UBE2G1: variants seen among roughly 807,000 people sequenced by gnomAD.
The protein encoded by UBE2G1 is ubiquitin-conjugating enzyme E2 G1.
A neutral mutation model predicts 22.7 loss-of-function variants in UBE2G1; 5 were observed. The ratio of observed to expected loss-of-function variants is 0.22; its 90% confidence interval spans 0.12 to 0.46. The LOEUF is 0.46. Ranked by LOEUF, UBE2G1 falls within the 20% of genes least tolerant of loss-of-function variation. The probability of loss-of-function intolerance (pLI) is 0.99; values close to 1 mark genes in which losing one functional copy is unlikely to be tolerated. For missense variants in UBE2G1, 88 were observed against 203.9 expected, an observed-to-expected ratio of 0.43 and a Z score of 3.46; for synonymous variants, 74 against 67.5, an observed-to-expected ratio of 1.10 and a Z score of -0.47.
chr17:4,279,771 C>A (rs1968861536), intron 5 of UBE2G1, among the ~76,000 whole-genome samples: 1 of 97,830 alleles, frequency 1.0e-5, no homozygotes, highest in Non-Finnish European at 2.2e-5. Context: ...CGAAACTCTG[C>A]CCCCAAAAAA....
chr17:4,331,321 T>C (rs2143778194), intron 1 of UBE2G1, among the ~76,000 whole-genome samples: 1 of 152,312 alleles, frequency 6.6e-6, no homozygotes, highest in Non-Finnish European at 1.5e-5. Context: ...GCACTAATTA[T>C]AATTTAAGTG....
intron 5 of UBE2G1, among the ~76,000 whole-genome samples, chr17:4,281,514 T>A (rs927096626): frequency 8.5e-5 from 13 of 152,172 alleles, no homozygotes; most frequent in Non-Finnish European, 1.3e-4. Flanking sequence ...TTTCAGACAG[T>A]GTATTTCGGT....
At chr17:4,300,736 G>T (rs995081971) in intron 2 of UBE2G1, among the ~76,000 whole-genome samples, 1 of 151,534 alleles carries the variant, frequency 6.6e-6, no homozygotes, top group African/African-American at 2.4e-5. Flanking sequence ...AGGCTGAGGC[G>T]GGTAGATCAT....
intron 1 of UBE2G1, among the ~76,000 whole-genome samples, chr17:4,351,445 G>A (rs994738908): frequency 7.2e-5 from 11 of 152,176 alleles, no homozygotes; most frequent in African/African-American, 2.7e-4. Context: ...ACTGGATAAC[G>A]AGAATTTTGT....
chr17:4,308,148 G>A (rs1969268539), intron 1 of UBE2G1, among the ~76,000 whole-genome samples: 1 of 152,158 alleles, frequency 6.6e-6, no homozygotes, highest in African/African-American at 2.4e-5. Context: ...GAGGTCGAGA[G>A]TTTGAGACCA....
At chr17:4,272,677 G>A (rs1598175568) in intron 5 of UBE2G1, among the ~76,000 whole-genome samples, 161 bp from the exon 6 acceptor site, 1 of 152,074 alleles carries the variant, frequency 6.6e-6, no homozygotes, top group South Asian at 2.1e-4. Flanking sequence ...AGCCACGTGG[G>A]TATATTTAAT....
At chr17:4,300,341 G>A (rs928519070) in intron 2 of UBE2G1, among the ~76,000 whole-genome samples, 12 of 150,728 alleles carry the variant, frequency 8.0e-5, no homozygotes, top group Non-Finnish European at 1.8e-4. Flanking sequence ...TCAGGAGTTC[G>A]AAAACAACCT....
At chr17:4,278,539 G>A (rs1169620444) in intron 5 of UBE2G1, among the ~76,000 whole-genome samples, 1 of 152,122 alleles carries the variant, frequency 6.6e-6, no homozygotes, top group Non-Finnish European at 1.5e-5. Flanking sequence ...GCAGGCTGCA[G>A]GCTGGACAAG....
intron 1 of UBE2G1, among the ~76,000 whole-genome samples, chr17:4,321,006 T>C (rs1163304826): frequency 6.6e-6 from 1 of 152,156 alleles, no homozygotes; most frequent in South Asian, 2.1e-4. Flanking sequence ...ATGCTGCCAT[T>C]GCCAGGCGGT....
chr17:4,294,855 A>T (rs1273244877), intron 3 of UBE2G1, among the ~76,000 whole-genome samples: 3 of 152,086 alleles, frequency 2.0e-5, no homozygotes, highest in Non-Finnish European at 4.4e-5. Flanking sequence ...GTGAGCTGTG[A>T]TCATGCCATT....
intron 1 of UBE2G1, among the ~76,000 whole-genome samples, chr17:4,317,533 A>G (rs1969389398): frequency 6.6e-6 from 1 of 152,122 alleles, no homozygotes; most frequent in Non-Finnish European, 1.5e-5. Context: ...AAAACAACAA[A>G]ACAAAAAATA....
At chr17:4,289,621 G>T (rs766476480) in intron 3 of UBE2G1, among the ~76,000 whole-genome samples, 1 of 152,100 alleles carries the variant, frequency 6.6e-6, no homozygotes, top group Non-Finnish European at 1.5e-5. Context: ...AAACCCAATA[G>T]GAATACAAGC....
chr17:4,362,495 C>A (rs1269584938), intron 1 of UBE2G1, among the ~76,000 whole-genome samples: 1 of 152,056 alleles, frequency 6.6e-6, no homozygotes, highest in Non-Finnish European at 1.5e-5. Flanking sequence ...AATACTCAAC[C>A]CAAAACGTCA....
chr17:4,348,719 G>A (rs1176347345), intron 1 of UBE2G1, among the ~76,000 whole-genome samples: 1 of 149,214 alleles, frequency 6.7e-6, no homozygotes, highest in African/African-American at 2.5e-5. Context: ...AAATTAACTA[G>A]GCATGGTGGC....
intron 1 of UBE2G1, among the ~76,000 whole-genome samples, chr17:4,324,756 A>G (rs2143766174): frequency 6.6e-6 from 1 of 152,194 alleles, no homozygotes; most frequent in East Asian, 1.9e-4. Flanking sequence ...AGAAAAATCC[A>G]CAATGTTGAA....
rs1567993756 is a variant in UBE2G1 at position 4,269,584 on chromosome 17, C to T, written c.*2970G>A. ...CCAAGAATGAAGGCCGTTAAAGATA[C>T]TGACACCCACGTGATCACAGTACTA... is the stretch of plus-strand genomic sequence containing the variant. On this transcript the variant is annotated 3_prime_UTR_variant, in exon 6 of 6. Transcript: ENST00000396981. 2.7e-5 allele frequency: 5 copies of T among 186,180 alleles called. No homozygotes were observed. The highest frequency in any genetic ancestry group is 8.5e-5 in the Admixed American group (2 of 23,632). The allele number at this position is 186,180 out of a possible 1,614,324, so 11.5% of individuals were successfully genotyped here.
At chr17:4,274,621 T>C (rs1968800715) in intron 5 of UBE2G1, among the ~76,000 whole-genome samples, 1 of 152,196 alleles carries the variant, frequency 6.6e-6, no homozygotes, top group African/African-American at 2.4e-5. Flanking sequence ...CTATATGTCT[T>C]TCCAAAAGAC....
At position 4,356,168 on chromosome 17, in the gene UBE2G1, C is replaced by G. The variant is rs549103594; in HGVS notation, c.46+10103G>C. Among the ~76,000 whole-genome samples the G allele has an allele frequency of 1.3e-3, 196 of 149,176 alleles. 1 individual carries two copies. Among genetic ancestry groups the G allele is most frequent in the African/African-American group, 4.3e-3 (176 of 40,666 alleles). On this transcript the variant is annotated intron_variant, in intron 1 of 5. Coordinates refer to ENST00000396981, the MANE Select transcript of UBE2G1 (RefSeq NM_003342.5). The stretch of plus-strand genomic sequence containing the variant: ...GTCAGGAGTTCGAGAACAGCCTGAC[C>G]AACGTGGAGAAACCCCGTCTCTACT...
chr17:4,305,945 G>A (rs1270981703), intron 2 of UBE2G1, among the ~76,000 whole-genome samples: 3 of 152,316 alleles, frequency 2.0e-5, no homozygotes, highest in Non-Finnish European at 2.9e-5. Context: ...AGAAATGTAC[G>A]ACATGAAATA....
Sources: allele counts gnomAD v4.1 joint callset (sites outside exome capture counted in the v4.1 genomes callset), GRCh38; gene constraint gnomAD v4.1.1; transcripts MANE v1.5; gene names NCBI Gene and HGNC (gene_info 2026-07-23, HGNC 2026-07-21).